The following PSMG2 variants were observed in gnomAD, a reference collection of about 807,000 sequenced individuals.
The protein encoded by PSMG2 is proteasome assembly chaperone 2.
PSMG2 carries 21 observed loss-of-function variants against 31.5 expected under a neutral mutation model. The ratio of observed to expected loss-of-function variants is 0.67; its 90% CI spans 0.47 to 0.96. PSMG2 has a LOEUF of 0.96. Ranked by LOEUF, PSMG2 falls within the 40% of genes least tolerant of loss-of-function variation. The pLI is 0.00. For missense variants in PSMG2, 318 were observed against 321.2 expected (o/e 0.99, Z 0.08); for synonymous variants, 120 against 110.4 (o/e 1.09, Z -0.54).
At chr18:12,710,815 A>G in intron 2 of PSMG2, among the ~76,000 whole-genome samples, 1 of 152,226 alleles carries the variant, frequency 6.6e-6, no homozygotes, top group East Asian at 1.9e-4. Flanking sequence ...AAAGAATTGC[A>G]TAGGCCGGGC....
intron 5 of PSMG2, 108 bp downstream of exon 5, chr18:12,720,791 CT>C: frequency 8.8e-7 from 1 of 1,129,982 alleles, no homozygotes; most frequent in South Asian, 1.9e-5. Flanking sequence ...CAGAGCAAGA[CT>C]CTGTCTCAAA....
chr18:12,664,648 G>T (rs1358357117), intron 1 of PSMG2, among the ~76,000 whole-genome samples: 1 of 151,704 alleles, frequency 6.6e-6, no homozygotes, highest in Non-Finnish European at 1.5e-5. Context: ...GCCTCCCAAA[G>T]TGCTGGGATT....
intron 2 of PSMG2, 136 bp downstream of exon 2, chr18:12,706,857 C>T: frequency 1.2e-6 from 1 of 862,618 alleles, no homozygotes; most frequent in Non-Finnish European, 1.7e-6. Context: ...AACCCAATCA[C>T]ATTGTCCTAT....
intron 1 of PSMG2, among the ~76,000 whole-genome samples, chr18:12,687,704 C>G (rs909030437): frequency 2.0e-5 from 3 of 151,600 alleles, no homozygotes; most frequent in African/African-American, 7.3e-5. Context: ...CCGCCCACCT[C>G]GACCTCCCAA....
Position 12,725,561 on chromosome 18 carries a change from A to G in PSMG2, c.*30A>G, listed in dbSNP as rs747705923. The G allele has an allele frequency of 9.4e-6, 14 of 1,487,046 alleles. No individual in the cohort carries two copies. The African/African-American group carries it at 1.4e-4, about 15-fold the overall frequency. 92.1% of individuals were successfully genotyped at this position (1,487,046 alleles called of 1,614,324 possible). A position where few individuals can be genotyped will look rare whatever the true frequency, so the allele number is the denominator to read the frequency against. ...ATTTCTGTTTTATACCTTATACCCA[A>G]AACACTTACTACCAACACAGCTGTT... On this transcript the variant is annotated 3_prime_UTR_variant, in exon 7 of 7. Transcript: ENST00000317615.
At chr18:12,703,323 G>C (rs530487428) in intron 1 of PSMG2, among the ~76,000 whole-genome samples, 159 bp downstream of exon 1, 22 of 152,370 alleles carry the variant, frequency 1.4e-4, no homozygotes, top group African/African-American at 5.3e-4. Context: ...GCCGGAGGCA[G>C]CCGTCCAAAC....
chr18:12,675,349 T>C lies in PSMG2; in HGVS notation c.-37+16576T>C, dbSNP rs921129204. Among the ~76,000 whole-genome samples the C allele has an allele frequency of 5.3e-5, 8 of 152,080 alleles. No homozygotes were observed. The South Asian group carries it at 6.2e-4, about 12-fold the overall frequency. The stretch of plus-strand genomic sequence containing the variant: ...AGGCAGAGCTTGCAGTGAGCCGAGA[T>C]CGTGCCACTGCACTCCAGCCTGGGC... On this transcript the variant is annotated intron_variant, in intron 1 of 6. Transcript: ENST00000585331.
intron 1 of PSMG2, among the ~76,000 whole-genome samples, chr18:12,669,032 C>CTTTTTTTTTTTT (rs71174122): frequency 2.4e-5 from 1 of 41,960 alleles, no homozygotes; most frequent in African/African-American, 9.5e-5. Flanking sequence ...ACCCCCCGCA[C>CTTTTTTTTTTTT]TTTTTTTTTT....
At chr18:12,686,618 C>A (rs569238171) in intron 1 of PSMG2, 14 of 496,756 alleles carry the variant, frequency 2.8e-5, no homozygotes, top group Non-Finnish European at 5.0e-5. Flanking sequence ...TTCCCTTAAT[C>A]CTCATCTCCG....
intron 1 of PSMG2, chr18:12,684,969 A>AT (rs1299988242): frequency 1.3e-5 from 2 of 151,900 alleles, no homozygotes; most frequent in Admixed American, 6.6e-5. Context: ...ATTTTTTTCT[A>AT]TTTTAATATT....
chr18:12,724,707 G>C, intron 6 of PSMG2, 88 bp downstream of exon 6: 1 of 1,248,204 alleles, frequency 8.0e-7, no homozygotes, highest in Admixed American at 3.1e-5. Flanking sequence ...GACCAAGTAA[G>C]TGAACGTTTG....
chr18:12,661,082 C>A (rs1489466096), intron 1 of PSMG2, among the ~76,000 whole-genome samples: 1 of 151,968 alleles, frequency 6.6e-6, no homozygotes, highest in African/African-American at 2.4e-5. Context: ...CCGAGGCGGG[C>A]AGATCACCTG....
At chr18:12,693,225 GA>G (rs772023059) in intron 1 of PSMG2, among the ~76,000 whole-genome samples, 7 of 152,082 alleles carry the variant, frequency 4.6e-5, no homozygotes, top group Non-Finnish European at 8.8e-5. Flanking sequence ...TATGACAGTG[GA>G]AATATAAGAA....
At chr18:12,678,911 C>CCTGCT (rs1157138083) in intron 1 of PSMG2, 1 of 151,966 alleles carries the variant, frequency 6.6e-6, no homozygotes. Flanking sequence ...AGCCGTCCAG[C>CCTGCT]CTGAGCAACA....
chr18:12,686,392 C>T (rs755171008), intron 1 of PSMG2: 10 of 1,613,906 alleles, frequency 6.2e-6, no homozygotes, highest in African/African-American at 4.0e-5. Flanking sequence ...ATCAAGAAGC[C>T]GTCCAGCTCG....
At chr18:12,698,811 T>C, upstream of PSMG2, 1 of 594,738 alleles carries the variant, frequency 1.7e-6, no homozygotes, top group Non-Finnish European at 3.0e-6. Flanking sequence ...GCAAACAGAA[T>C]ATTGCAAGAA....
chr18:12,683,936 A>G (rs2039446212), intron 1 of PSMG2, among the ~76,000 whole-genome samples: 1 of 151,408 alleles, frequency 6.6e-6, no homozygotes, highest in Non-Finnish European at 1.5e-5. Flanking sequence ...TTATAGGTAA[A>G]GTTTCACCAT....
At chr18:12,686,867 A>G (rs1307336045) in intron 1 of PSMG2, 1 of 152,766 alleles carries the variant, frequency 6.5e-6, no homozygotes, top group Non-Finnish European at 1.5e-5. Flanking sequence ...ATTGGCTGAT[A>G]TAACAGAAAT....
intron 1 of PSMG2, among the ~76,000 whole-genome samples, chr18:12,664,423 G>A (rs112537197): frequency 1.3e-5 from 2 of 152,036 alleles, no homozygotes; most frequent in African/African-American, 4.8e-5. Flanking sequence ...GGTGGCATGT[G>A]CCTGTAGTCC....
Sources: gnomAD v4.1 joint callset for allele counts (sites outside exome capture counted in the v4.1 genomes callset) on GRCh38, gnomAD v4.1.1 for gene constraint, MANE v1.5 for transcripts, NCBI Gene and HGNC (gene_info 2026-07-23, HGNC 2026-07-21) for gene names.